Variants in CERS6 observed in about 807,000 individuals in gnomAD.
CERS6 encodes ceramide synthase 6.
A neutral mutation model predicts 56.8 loss-of-function variants in CERS6; 26 were observed. That is an observed-to-expected ratio of 0.46 (90% CI 0.34 to 0.63). The LOEUF is 0.63. CERS6 is among the 30% of genes least tolerant of loss of function. The pLI is 0.01. For missense variants in CERS6, 415 were observed against 467.5 expected, an observed-to-expected ratio of 0.89 and a Z score of 1.04; for synonymous variants, 164 against 173.3, an observed-to-expected ratio of 0.95 and a Z score of 0.42.
intron 1 of CERS6, among the ~76,000 whole-genome samples, chr2:168,526,991 C>T (rs570377429): frequency 1.4e-4 from 21 of 152,328 alleles, no homozygotes; most frequent in African/African-American, 5.1e-4. Flanking sequence ...TATCTCTTGG[C>T]TCCAAATCCA....
At chr2:168,598,965 C>T (rs1362999601) in intron 3 of CERS6, among the ~76,000 whole-genome samples, 1 of 152,202 alleles carries the variant, frequency 6.6e-6, no homozygotes, top group African/African-American at 2.4e-5. Flanking sequence ...GGAGAGGAAG[C>T]AGGCTGTGGT....
At chr2:168,714,454 G>A (rs980183751) in intron 6 of CERS6, among the ~76,000 whole-genome samples, 1 of 152,196 alleles carries the variant, frequency 6.6e-6, no homozygotes, top group Non-Finnish European at 1.5e-5. Flanking sequence ...ACCTGCCGAA[G>A]CCCCAATCAT....
intron 4 of CERS6, among the ~76,000 whole-genome samples, chr2:168,631,520 TTA>T (rs1250557687): frequency 4.1e-5 from 5 of 122,348 alleles, no homozygotes; most frequent in African/African-American, 1.6e-4. Flanking sequence ...ATATAAACTA[TTA>T]TATAAATACA....
At chr2:168,587,301 C>T (rs1475754378) in intron 3 of CERS6, among the ~76,000 whole-genome samples, 2 of 152,212 alleles carry the variant, frequency 1.3e-5, no homozygotes, top group African/African-American at 4.8e-5. Context: ...ATTTGCCCCT[C>T]TGTGGATTTC....
chr2:168,729,820 G>A (rs1209102316), intron 8 of CERS6, among the ~76,000 whole-genome samples: 1 of 152,190 alleles, frequency 6.6e-6, no homozygotes, highest in Non-Finnish European at 1.5e-5. Context: ...AGGCAAGAGA[G>A]CAAACACTTC....
chr2:168,490,110 G>A (rs1301373175), intron 1 of CERS6, among the ~76,000 whole-genome samples: 2 of 152,114 alleles, frequency 1.3e-5, no homozygotes, highest in African/African-American at 2.4e-5. Flanking sequence ...TCCCGTGTGT[G>A]CCTCTCAGGG....
intron 1 of CERS6, among the ~76,000 whole-genome samples, chr2:168,493,189 T>G (rs543579352): frequency 6.6e-6 from 1 of 152,320 alleles, no homozygotes; most frequent in South Asian, 2.1e-4. Flanking sequence ...CTTATTGTAC[T>G]TTTAAAATGA....
chr2:168,574,119 C>T (rs771162853), intron 3 of CERS6, among the ~76,000 whole-genome samples: 4 of 152,216 alleles, frequency 2.6e-5, no homozygotes, highest in Admixed American at 1.3e-4. Context: ...CCATTTTAGT[C>T]GGGGAAATGT....
intron 2 of CERS6, among the ~76,000 whole-genome samples, chr2:168,548,464 G>A (rs1229140469): frequency 1.3e-5 from 2 of 152,254 alleles, no homozygotes; most frequent in African/African-American, 2.4e-5. Context: ...GCAAATTACC[G>A]AGTTTTTATA....
intron 4 of CERS6, among the ~76,000 whole-genome samples, chr2:168,654,314 C>T (rs774734796): frequency 6.2e-4 from 94 of 151,924 alleles, no homozygotes; most frequent in African/African-American, 2.9e-4. Flanking sequence ...TTTGGGAGGC[C>T]GAGGTAGGTG....
intron 3 of CERS6, among the ~76,000 whole-genome samples, chr2:168,593,528 GT>G (rs2105404905): frequency 1.0e-5 from 1 of 98,764 alleles, no homozygotes; most frequent in Non-Finnish European, 2.1e-5. Context: ...GTTTCTGTGT[GT>G]TTTGTTTTGT....
At chr2:168,513,167 A>G (rs1309766591) in intron 1 of CERS6, among the ~76,000 whole-genome samples, 1 of 152,198 alleles carries the variant, frequency 6.6e-6, no homozygotes, top group African/African-American at 2.4e-5. Flanking sequence ...TAGTTTTAGA[A>G]TAGTTTTAGA....
At chr2:168,517,101 A>G (rs1694896477) in intron 1 of CERS6, among the ~76,000 whole-genome samples, 1 of 152,048 alleles carries the variant, frequency 6.6e-6, no homozygotes, top group African/African-American at 2.4e-5. Context: ...TAGGAGCCCA[A>G]ATGGACCAGA....
intron 3 of CERS6, among the ~76,000 whole-genome samples, chr2:168,566,552 C>T (rs1277238258): frequency 6.6e-6 from 1 of 152,164 alleles, no homozygotes. Context: ...CAATTGCCTT[C>T]ATGCTACTAA....
At chr2:168,624,202 C>T (rs1340381285) in intron 3 of CERS6, among the ~76,000 whole-genome samples, 1 of 152,072 alleles carries the variant, frequency 6.6e-6, no homozygotes, top group African/African-American at 2.4e-5. Context: ...GTGTGCTTTA[C>T]GTTATTTAGA....
chr2:168,618,946 T>A (rs1480492218), intron 3 of CERS6, among the ~76,000 whole-genome samples: 2 of 151,656 alleles, frequency 1.3e-5, no homozygotes, highest in Non-Finnish European at 3.0e-5. Context: ...AAAGAACAAA[T>A]CTGGAGGCTT....
At chr2:168,748,835 G>T (rs1472845142) in intron 8 of CERS6, among the ~76,000 whole-genome samples, 2 of 138,644 alleles carry the variant, frequency 1.4e-5, no homozygotes, top group Admixed American at 7.3e-5. Flanking sequence ...TGGGGGTGGG[G>T]GGGGGGCAGG....
chr2:168,513,820 C>T (rs1694838505), intron 1 of CERS6, among the ~76,000 whole-genome samples: 1 of 152,082 alleles, frequency 6.6e-6, no homozygotes, highest in Admixed American at 6.6e-5. Context: ...TTTATTGTTG[C>T]TCCTGAGGCT....
chr2:168,629,599 C>A (rs1444272184), intron 3 of CERS6, among the ~76,000 whole-genome samples: 14 of 152,062 alleles, frequency 9.2e-5, no homozygotes, highest in African/African-American at 3.4e-4. Context: ...GATGCTGGGT[C>A]CCTTGTTCAA....
Sources: allele counts gnomAD v4.1 joint callset (sites outside exome capture counted in the v4.1 genomes callset), GRCh38; gene constraint gnomAD v4.1.1; transcripts MANE v1.5; gene names NCBI Gene and HGNC (gene_info 2026-07-23, HGNC 2026-07-21).